Variants in GOLIM4 observed in about 807,000 individuals in gnomAD.
GOLIM4 encodes the protein golgi integral membrane protein 4.
A neutral mutation model predicts 107.4 loss-of-function variants in GOLIM4; 71 were observed. The ratio of observed to expected loss-of-function variants is 0.66; its 90% CI spans 0.55 to 0.81. GOLIM4 has a LOEUF of 0.81. Among genes scored for constraint, GOLIM4 ranks in the 30% least tolerant of loss-of-function variants. The probability of loss-of-function intolerance (pLI) is 0.00; values close to 1 mark genes in which losing one functional copy is unlikely to be tolerated. For synonymous variants in GOLIM4, 327 were observed against 294.8 expected (o/e 1.11, Z -1.12); for missense variants, 830 against 826.1 (o/e 1.00, Z -0.06).
intron 1 of GOLIM4, among the ~76,000 whole-genome samples, chr3:168,050,769 T>C (rs1222559923): frequency 6.6e-6 from 1 of 151,028 alleles, no homozygotes; most frequent in Non-Finnish European, 1.5e-5. Context: ...TCCAAGATCC[T>C]ACAGCAGCAA....
rs970964629 is a variant in GOLIM4, at chr3:168,048,232, A to G, written c.262+59T>C. ...CAAAAAAAAATTGTAAACCAAGTATATGATACGTCAAAGAAGAGTACTGGA... is the reference window on the plus strand; with the variant it reads ...CAAAAAAAAATTGTAAACCAAGTATGTGATACGTCAAAGAAGAGTACTGGA... On this transcript the variant is annotated intron_variant, in intron 2 of 15. Coordinates refer to ENST00000470487, the MANE Select transcript of GOLIM4 (RefSeq NM_014498.5). 3.4e-6 allele frequency: 3 copies of G among 885,478 alleles called. No homozygotes were observed. The African/African-American group carries it at 5.0e-5, about 15-fold the overall frequency. 54.9% of individuals were successfully genotyped at this position (885,478 alleles called of 1,614,324 possible). A position where few individuals can be genotyped will look rare whatever the true frequency, so the allele number is the denominator to read the frequency against.
intron 1 of GOLIM4, among the ~76,000 whole-genome samples, chr3:168,049,002 A>G (rs922270991): frequency 2.4e-4 from 37 of 152,194 alleles, no homozygotes; most frequent in African/African-American, 8.0e-4. Flanking sequence ...GGTCCACAAA[A>G]GAACTAGTCA....
rs748052712 is a variant in GOLIM4 at position 168,095,223 on chromosome 3, G to A, written c.63C>T (p.Thr21=). 23 of 1,613,622 alleles carry A rather than the reference G, an allele frequency of 1.4e-5. No homozygotes were observed. The highest frequency in any genetic ancestry group is 7.7e-5 in the South Asian group (7 of 91,082). Residue 21 remains threonine, a synonymous_variant, in exon 1 of 16, where the codon ACC becomes ACT. Coordinates refer to ENST00000470487, the MANE Select transcript of GOLIM4 (RefSeq NM_014498.5). ...KRIFQTLLLL[T]VVFGFLYGAM... is the part of the protein sequence containing the mutation. The stretch of plus-strand genomic sequence containing the variant: ...CGCCGTAGAGAAAGCCGAACACGAC[G>A]GTCAGCAGCAGCAGCGTCTGGAAAA...
chr3:168,069,977 G>A (rs949258436), intron 1 of GOLIM4, among the ~76,000 whole-genome samples: 2 of 152,160 alleles, frequency 1.3e-5, no homozygotes, highest in African/African-American at 4.8e-5. Flanking sequence ...ACTCTAACTT[G>A]TTTTCCTAGA....
At chr3:168,017,290 C>G (rs1382346593) in intron 14 of GOLIM4, among the ~76,000 whole-genome samples, 1 of 151,848 alleles carries the variant, frequency 6.6e-6, no homozygotes, top group Non-Finnish European at 1.5e-5. Context: ...GAATTTGAGT[C>G]CTGGGAAACA....
At chr3:168,023,836 C>T (rs1338873293) in intron 14 of GOLIM4, among the ~76,000 whole-genome samples, 2 of 152,184 alleles carry the variant, frequency 1.3e-5, no homozygotes, top group African/African-American at 2.4e-5. Flanking sequence ...ACACCACATG[C>T]AGCACCACAA....
chr3:168,094,340 G>A (rs1272209444), intron 1 of GOLIM4, among the ~76,000 whole-genome samples: 1 of 152,182 alleles, frequency 6.6e-6, no homozygotes, highest in Admixed American at 6.5e-5. Context: ...GTGAAAACCT[G>A]TGTTTCTCCT....
At position 168,010,079 on chromosome 3, in the gene GOLIM4, A is replaced by T. The variant is rs1219947557; in HGVS notation, c.*190T>A. On this transcript the variant is annotated 3_prime_UTR_variant, in exon 16 of 16. Coordinates refer to ENST00000470487, the MANE Select transcript of GOLIM4 (RefSeq NM_014498.5). ...TTTTTCATGTTTAGCTTGAATATAA[A>T]AGAAGCTCTAGACCTACGTTATCAA... The T allele has an allele frequency of 1.6e-5, 7 of 429,514 alleles. No homozygotes were observed. Among genetic ancestry groups the T allele is most frequent in the Non-Finnish European group, 2.8e-5 (7 of 248,332 alleles). The allele number at this position is 429,514 out of a possible 1,614,324, so 26.6% of individuals were successfully genotyped here.
intron 1 of GOLIM4, among the ~76,000 whole-genome samples, chr3:168,049,166 G>A (rs1719481846): frequency 6.6e-6 from 1 of 152,046 alleles, no homozygotes; most frequent in Non-Finnish European, 1.5e-5. Flanking sequence ...GACATGTCTG[G>A]CAGACAACAA....
chr3:168,013,423 T>A (rs1172468824), intron 14 of GOLIM4, among the ~76,000 whole-genome samples: 1 of 151,584 alleles, frequency 6.6e-6, no homozygotes, highest in East Asian at 1.9e-4. Flanking sequence ...AGACTTAGAC[T>A]CCCACGCATT....
chr3:168,044,070 T>C (rs1362884271), intron 4 of GOLIM4, among the ~76,000 whole-genome samples: 1 of 152,256 alleles, frequency 6.6e-6, no homozygotes, highest in African/African-American at 2.4e-5. Context: ...AATGTAATCA[T>C]GATCTAGATA....
intron 1 of GOLIM4, among the ~76,000 whole-genome samples, chr3:168,049,304 T>A (rs1719488395): frequency 6.6e-6 from 1 of 152,196 alleles, no homozygotes; most frequent in South Asian, 2.1e-4. Context: ...GACATAACAA[T>A]TAATGAACCA....
chr3:168,059,228 C>T (rs953082136), intron 1 of GOLIM4, among the ~76,000 whole-genome samples: 2 of 152,138 alleles, frequency 1.3e-5, no homozygotes, highest in Middle Eastern at 3.2e-3. Flanking sequence ...AAGGAAACAA[C>T]CTAAAATCCA....
chr3:168,085,210 A>T (rs1721559598), intron 1 of GOLIM4, among the ~76,000 whole-genome samples: 1 of 152,254 alleles, frequency 6.6e-6, no homozygotes, highest in African/African-American at 2.4e-5. Flanking sequence ...ATTCCAGGAC[A>T]CTATCAGAAA....
At chr3:168,090,381 A>G (rs1173309583) in intron 1 of GOLIM4, among the ~76,000 whole-genome samples, 6 of 152,206 alleles carry the variant, frequency 3.9e-5, no homozygotes, top group Non-Finnish European at 8.8e-5. Context: ...CATTTTTAAC[A>G]GGAAGCTAGA....
At chr3:168,045,237 G>A (rs535310555) in intron 3 of GOLIM4, among the ~76,000 whole-genome samples, 18 of 152,150 alleles carry the variant, frequency 1.2e-4, no homozygotes, top group East Asian at 3.9e-4. Flanking sequence ...TAATATATGC[G>A]CTGGGTGCTT....
chr3:168,017,656 T>C (rs1717448286), intron 14 of GOLIM4, among the ~76,000 whole-genome samples: 5 of 152,194 alleles, frequency 3.3e-5, no homozygotes, highest in Non-Finnish European at 7.4e-5. Context: ...CTGTAAATCC[T>C]CTGTAAAGGC....
chr3:168,084,521 A>C (rs1297741590), intron 1 of GOLIM4, among the ~76,000 whole-genome samples: 3 of 152,164 alleles, frequency 2.0e-5, no homozygotes, highest in African/African-American at 7.2e-5. Flanking sequence ...CAAGTTTTAA[A>C]ATGACTAAAC....
intron 1 of GOLIM4, among the ~76,000 whole-genome samples, chr3:168,058,270 T>C (rs1040699819): frequency 1.3e-5 from 2 of 152,264 alleles, no homozygotes; most frequent in Admixed American, 1.3e-4. Flanking sequence ...GAATTGGTGC[T>C]TAACTGCCTT....
Sources: allele counts gnomAD v4.1 joint callset (sites outside exome capture counted in the v4.1 genomes callset), GRCh38; gene constraint gnomAD v4.1.1; transcripts MANE v1.5; gene names NCBI Gene and HGNC (gene_info 2026-07-23, HGNC 2026-07-21).